The following HPD variants were observed in gnomAD, a reference collection of about 807,000 sequenced individuals.
HPD encodes the protein 4-hydroxyphenylpyruvate dioxygenase.
HPD carries 35 observed loss-of-function variants against 56.9 expected under a neutral mutation model. The ratio of observed to expected loss-of-function variants is 0.62; its 90% CI spans 0.47 to 0.82. The LOEUF is 0.82. Among genes scored for constraint, HPD ranks in the 40% least tolerant of loss-of-function variants. The pLI, the probability that HPD is intolerant of heterozygous loss-of-function variation, is 0.00. For missense variants in HPD, 442 were observed against 506.8 expected, an observed-to-expected ratio of 0.87 and a Z score of 1.23; for synonymous variants, 186 against 200.2, an observed-to-expected ratio of 0.93 and a Z score of 0.60.
chr12:121,877,868 C>T, the HPD span, among the ~76,000 whole-genome samples: 1 of 152,098 alleles, frequency 6.6e-6, no homozygotes, highest in Non-Finnish European at 1.5e-5. Flanking sequence ...CTGGTGTGGC[C>T]GGATTTTGTT....
rs911203126 is a variant in HPD, at chr12:121,858,692, C to T, written c.25G>A (p.Ala9Thr). MTTYSDKG[A>T]KPERGRFLHF... Reference sequence around the variant, plus strand: ...CCCACATTTCGCCTGCTTACCTTTGCCCCTTTGTCACTGTAAGTCGTCTAA... The same window carrying T: ...CCCACATTTCGCCTGCTTACCTTTGTCCCTTTGTCACTGTAAGTCGTCTAA... The change falls in exon 2 of 14, where the codon GCA (alanine) becomes ACA (threonine). Residue 9 changes from alanine (A) to threonine (T), a missense_variant. Physicochemically the swap from Ala to Thr is moderately conservative, Grantham distance 58. Coordinates refer to ENST00000289004, the MANE Select transcript of HPD (RefSeq NM_002150.3). 9 of 1,614,012 alleles carry T rather than the reference C, an allele frequency of 5.6e-6. No homozygotes were observed. Among genetic ancestry groups the T allele is most frequent in the Non-Finnish European group, 6.8e-6 (8 of 1,179,988 alleles).
upstream of HPD, among the ~76,000 whole-genome samples, chr12:121,866,093 C>T (rs911058604): frequency 1.3e-5 from 2 of 151,896 alleles, no homozygotes; most frequent in Non-Finnish European, 2.9e-5. Flanking sequence ...GTCGGGAGAT[C>T]GAGACCATCC....
At chr12:121,840,071 T>G in intron 12 of HPD, 23 bp from the exon 13 acceptor site, 1 of 1,494,864 alleles carries the variant, frequency 6.7e-7, no homozygotes, top group Non-Finnish European at 9.3e-7. Flanking sequence ...CAGGGGGCTC[T>G]GCTAGGGGAG....
At chr12:121,865,279 C>A (rs1036287637), upstream of HPD, among the ~76,000 whole-genome samples, 106 of 151,372 alleles carry the variant, frequency 7.0e-4, 1 homozygote, top group South Asian at 7.9e-3. Context: ...TTCTTTCTTT[C>A]TTTCTTTGAG....
the HPD span, among the ~76,000 whole-genome samples, chr12:121,887,788 T>A: frequency 6.6e-6 from 1 of 152,236 alleles, no homozygotes; most frequent in African/African-American, 2.4e-5. Context: ...ACATTGACTT[T>A]TTTTGAAGTT....
upstream of HPD, among the ~76,000 whole-genome samples, chr12:121,861,934 C>T (rs1288577482): frequency 3.3e-5 from 5 of 151,958 alleles, no homozygotes; most frequent in African/African-American, 1.2e-4. Context: ...TGCTTGAGCC[C>T]AAGAGGTCGA....
chr12:121,882,027 C>T, the HPD span, among the ~76,000 whole-genome samples: 2 of 151,526 alleles, frequency 1.3e-5, no homozygotes, highest in African/African-American at 4.8e-5. Context: ...GGTGATCCTC[C>T]CGCCTAGGCC....
At chr12:121,853,546 C>T (rs1333011516) in intron 7 of HPD, among the ~76,000 whole-genome samples, 8 of 150,322 alleles carry the variant, frequency 5.3e-5, no homozygotes, top group East Asian at 3.9e-4. Context: ...GGCGTGAACC[C>T]GGAAGGCAGC....
rs1277266225 is a variant in HPD at position 121,857,796 on chromosome 12, G to A, written c.54C>T (p.His18=). The change falls in exon 3 of 14, where the codon CAC becomes CAT. Residue 18 remains histidine, a synonymous_variant. Transcript: ENST00000289004. ...CAACCCAGAAGGTCACAGAGTGGAA[G>A]TGGAGGAATCGGCCTCTCTCAGGCT... ...GAKPERGRFL[H]FHSVTFWVGN... 1.9e-6 allele frequency: 3 copies of A among 1,613,956 alleles called. No homozygotes were observed. The African/African-American group carries it at 4.0e-5, about 22-fold the overall frequency.
At chr12:121,853,002 G>T (rs1331961288) in intron 7 of HPD, among the ~76,000 whole-genome samples, 1 of 152,150 alleles carries the variant, frequency 6.6e-6, no homozygotes, top group African/African-American at 2.4e-5. Flanking sequence ...GCCATAAAAA[G>T]GAACAAGATC....
chr12:121,858,590 C>T (rs1878089203), intron 2 of HPD, 97 bp downstream of exon 2: 1 of 1,224,048 alleles, frequency 8.2e-7, no homozygotes, highest in Admixed American at 1.7e-5. Context: ...CCACTCCAGT[C>T]CTTCCTCTTC....
Position 121,843,813 on chromosome 12 carries a change from C to T in HPD, c.851G>A (p.Arg284Lys), listed in dbSNP as rs1464275980. ...IITAIRHLRE[R>K]GLEFLSVPST... ...GGGAACAGATAAGAACTCCAGGCCT[C>T]TCTCTCTCAAGTGGCGAATCTGTTT... The change falls in exon 12 of 14, where the codon AGA becomes AAA. Residue 284 changes from arginine to lysine, a missense_variant. Physicochemically the swap from Arg to Lys is conservative, Grantham distance 26 (BLOSUM62 2). Transcript: ENST00000289004. The T allele has an allele frequency of 6.2e-7, 1 of 1,614,062 alleles. No individual in the cohort carries two copies. The highest frequency in any genetic ancestry group is 8.5e-7 in the Non-Finnish European group (1 of 1,179,994).
At chr12:121,877,372 G>C in the HPD span, among the ~76,000 whole-genome samples, 1 of 152,094 alleles carries the variant, frequency 6.6e-6, no homozygotes, top group Non-Finnish European at 1.5e-5. Context: ...TTTTACAAAT[G>C]AGAGGGGTGT....
chr12:121,887,699 A>C, the HPD span, among the ~76,000 whole-genome samples: 1 of 152,160 alleles, frequency 6.6e-6, no homozygotes, highest in East Asian at 1.9e-4. Context: ...GCACATCTTT[A>C]GTGTTCTTAA....
chr12:121,854,463 C>T (rs1877919453), intron 7 of HPD, among the ~76,000 whole-genome samples: 1 of 152,126 alleles, frequency 6.6e-6, no homozygotes, highest in Non-Finnish European at 1.5e-5. Context: ...CTTCAGAGCC[C>T]CTGCCTTCAC....
intron 11 of HPD, among the ~76,000 whole-genome samples, chr12:121,844,301 T>C (rs528631710): frequency 3.4e-4 from 52 of 152,104 alleles, no homozygotes; most frequent in African/African-American, 1.2e-3. Context: ...TACCTCGGCC[T>C]CCCAAAGTGC....
intron 12 of HPD, among the ~76,000 whole-genome samples, 200 bp from the exon 13 acceptor site, chr12:121,840,248 G>C (rs77508031): frequency 1.3e-5 from 2 of 152,040 alleles, no homozygotes; most frequent in Non-Finnish European, 2.9e-5. Flanking sequence ...ACTGCTGCCC[G>C]CTTCTAATCT....
At chr12:121,850,566 C>T (rs979703210) in intron 7 of HPD, among the ~76,000 whole-genome samples, 14 of 150,366 alleles carry the variant, frequency 9.3e-5, no homozygotes, top group South Asian at 2.1e-4. Context: ...CTCCATCTCC[C>T]GGGTTCAAGC....
rs901034449 is a variant in HPD, at chr12:121,843,926, T to TA, written c.832-95dup. On this transcript the variant is annotated intron_variant, in intron 11 of 13. Coordinates refer to ENST00000289004, the MANE Select transcript of HPD (RefSeq NM_002150.3). ...CTGGGTCATCAGGATACAGGGTCCC[T>TA]ATCCTAGCTCCCCTCAACTGCCAGG... is the stretch of plus-strand genomic sequence containing the variant. 2.0e-5 allele frequency: 30 copies of TA among 1,464,458 alleles called. 1 individual carries two copies. The Admixed American group carries it at 5.1e-4, about 25-fold the overall frequency. 90.7% of individuals were successfully genotyped at this position (1,464,458 alleles called of 1,614,324 possible). A position where few individuals can be genotyped will look rare whatever the true frequency, so the allele number is the denominator to read the frequency against.
Sources: allele counts gnomAD v4.1 joint callset (sites outside exome capture counted in the v4.1 genomes callset), GRCh38; gene constraint gnomAD v4.1.1; transcripts MANE v1.5; gene names NCBI Gene and HGNC (gene_info 2026-07-23, HGNC 2026-07-21).